Variants in MBD5 observed in about 807,000 individuals in gnomAD.
MBD5 encodes the protein methyl-CpG binding domain protein 5.
MBD5 carries 13 observed loss-of-function variants against 117.3 expected under a neutral mutation model. The observed-to-expected ratio is 0.11, with a 90% CI of 0.07 to 0.18. The LOEUF is 0.18. MBD5 is among the 10% of genes least tolerant of loss of function. The probability of loss-of-function intolerance (pLI) is 1.00; values close to 1 mark genes in which losing one functional copy is unlikely to be tolerated. For synonymous variants in MBD5, 727 were observed against 766.4 expected (o/e 0.95, Z 0.85); for missense variants, 1,879 against 2,093.8 (o/e 0.90, Z 2.00).
intron 4 of MBD5, among the ~76,000 whole-genome samples, chr2:148,373,331 G>A (rs192412304): frequency 7.9e-5 from 12 of 152,126 alleles, no homozygotes; most frequent in Admixed American, 6.5e-4. Context: ...TTCATTGGTA[G>A]CATTGCATTA....
intron 1 of MBD5, among the ~76,000 whole-genome samples, chr2:148,068,941 G>C (rs982462440): frequency 2.0e-5 from 3 of 152,050 alleles, no homozygotes; most frequent in Non-Finnish European, 4.4e-5. Context: ...ATAACCAATA[G>C]GTGAGAGAAA....
At chr2:148,049,337 G>T (rs1012446201) in intron 1 of MBD5, among the ~76,000 whole-genome samples, 1 of 152,180 alleles carries the variant, frequency 6.6e-6, no homozygotes, top group African/African-American at 2.4e-5. Context: ...GAAATTTATG[G>T]AAATCTGTCA....
chr2:148,344,776 CA>C, intron 4 of MBD5, among the ~76,000 whole-genome samples: 1 of 151,936 alleles, frequency 6.6e-6, no homozygotes, highest in South Asian at 2.1e-4. Context: ...CAGTAAATAT[CA>C]TCCACCTTAA....
At chr2:148,454,738 C>G (rs1282207937) in intron 4 of MBD5, among the ~76,000 whole-genome samples, 1 of 151,878 alleles carries the variant, frequency 6.6e-6, no homozygotes, top group African/African-American at 2.4e-5. Context: ...GCAAAAATGA[C>G]AAAATGTTTA....
At chr2:148,445,293 C>A (rs533346149) in intron 4 of MBD5, among the ~76,000 whole-genome samples, 5 of 151,024 alleles carry the variant, frequency 3.3e-5, no homozygotes, top group Admixed American at 6.6e-5. Context: ...CCGCTCCCCC[C>A]ACCCCATGAC....
In MBD5 at chr2:148,508,336, G is replaced by T. The variant is rs543396420; in HGVS notation, c.5037-1724G>T. Among the ~76,000 whole-genome samples the T allele has an allele frequency of 1.2e-4, 19 of 152,224 alleles. No homozygotes were observed. In the South Asian group the frequency reaches 3.9e-3, roughly 32 times the overall value. On this transcript the variant is annotated intron_variant, in intron 12 of 13. Transcript: ENST00000642680. ...AGGAATGAATAGATTATACAAACTA[G>T]ATGGTATTTAAAACAGTTATAAGGA...
intron 2 of MBD5, among the ~76,000 whole-genome samples, chr2:148,184,586 T>C (rs903701375): frequency 1.4e-4 from 22 of 152,324 alleles, no homozygotes; most frequent in Non-Finnish European, 2.8e-4. Context: ...TTTAGTATGT[T>C]TATTAGGCTT....
chr2:148,147,347 A>T (rs1011838936), intron 1 of MBD5, among the ~76,000 whole-genome samples: 1 of 151,500 alleles, frequency 6.6e-6, no homozygotes, highest in Non-Finnish European at 1.5e-5. Context: ...GATTCAAGCG[A>T]TTCTGTTGCC....
At chr2:148,207,904 T>G (rs192407339) in intron 2 of MBD5, among the ~76,000 whole-genome samples, 61 of 152,324 alleles carry the variant, frequency 4.0e-4, no homozygotes, top group African/African-American at 1.3e-3. Flanking sequence ...ATGTTGTTTG[T>G]GTATTAGTGT....
chr2:148,340,275 T>A (rs1243934547), intron 3 of MBD5, among the ~76,000 whole-genome samples: 1 of 152,144 alleles, frequency 6.6e-6, no homozygotes, highest in African/African-American at 2.4e-5. Context: ...CTCATTGACA[T>A]TTTTGATTGC....
chr2:148,090,814 A>G (rs936570138), intron 1 of MBD5, among the ~76,000 whole-genome samples: 2 of 152,168 alleles, frequency 1.3e-5, no homozygotes, highest in Non-Finnish European at 2.9e-5. Context: ...CACCACTTCT[A>G]TTCAACATAG....
intron 8 of MBD5, among the ~76,000 whole-genome samples, chr2:148,476,802 C>T (rs375030931): frequency 6.6e-6 from 1 of 152,126 alleles, no homozygotes; most frequent in Admixed American, 6.6e-5. Flanking sequence ...TAAGCATATT[C>T]ATAATCTAGA....
At chr2:148,146,936 C>T (rs897767336) in intron 1 of MBD5, among the ~76,000 whole-genome samples, 2 of 152,026 alleles carry the variant, frequency 1.3e-5, no homozygotes, top group Non-Finnish European at 2.9e-5. Context: ...CTGTTATTAC[C>T]TTTTTCAACT....
chr2:148,086,822 A>C (rs1272201822), intron 1 of MBD5, among the ~76,000 whole-genome samples: 2 of 152,120 alleles, frequency 1.3e-5, no homozygotes, highest in Non-Finnish European at 2.9e-5. Context: ...ATTTATTTGG[A>C]AGTAAATGGG....
chr2:148,468,193 G>T (rs1335110187), intron 7 of MBD5, 148 bp from the exon 8 acceptor site: 3 of 661,558 alleles, frequency 4.5e-6, no homozygotes, highest in Non-Finnish European at 8.0e-6. Flanking sequence ...ATTTTTAATT[G>T]CATAGAATCA....
chr2:148,313,415 G>A (rs1476340949), intron 3 of MBD5, among the ~76,000 whole-genome samples: 4 of 152,164 alleles, frequency 2.6e-5, no homozygotes, highest in Admixed American at 6.5e-5. Context: ...GGTGGGCTTC[G>A]CCCAGTTCAA....
intron 1 of MBD5, among the ~76,000 whole-genome samples, chr2:148,132,218 G>T (rs991797124): frequency 6.6e-6 from 1 of 151,830 alleles, no homozygotes; most frequent in Non-Finnish European, 1.5e-5. Context: ...ATTACAAAAA[G>T]AGAGTTTTAT....
At chr2:148,312,259 C>T (rs558480941) in intron 3 of MBD5, among the ~76,000 whole-genome samples, 1 of 152,280 alleles carries the variant, frequency 6.6e-6, no homozygotes, top group African/African-American at 2.4e-5. Flanking sequence ...AACTTGGTTG[C>T]GTTCTTCCCA....
chr2:148,250,393 G>T (rs114691603), intron 3 of MBD5, among the ~76,000 whole-genome samples: 5,377 of 152,234 alleles, frequency 0.035, 160 homozygotes, highest in Middle Eastern at 0.13. Context: ...CAATCCCTGT[G>T]ACACAAGTTT....
Sources: gnomAD v4.1 joint callset for allele counts (sites outside exome capture counted in the v4.1 genomes callset) on GRCh38, gnomAD v4.1.1 for gene constraint, MANE v1.5 for transcripts, NCBI Gene and HGNC (gene_info 2026-07-23, HGNC 2026-07-21) for gene names.